Variants in ARHGAP27 observed in about 807,000 individuals in gnomAD.
The protein encoded by ARHGAP27 is rho GTPase-activating protein 27.
A neutral mutation model predicts 102.0 loss-of-function variants in ARHGAP27; 53 were observed. The ratio of observed to expected loss-of-function variants is 0.52; its 90% confidence interval spans 0.42 to 0.65. ARHGAP27 has a LOEUF of 0.65. Ranked by LOEUF, ARHGAP27 falls within the 30% of genes least tolerant of loss-of-function variation. The pLI is 0.00. For synonymous variants in ARHGAP27, 525 were observed against 542.8 expected (o/e 0.97, Z 0.46); for missense variants, 1,117 against 1,256.2 (o/e 0.89, Z 1.68).
intron 13 of ARHGAP27, 29 bp from the exon 14 acceptor site, chr17:45,397,053 G>T (rs760871696): frequency 2.5e-6 from 4 of 1,598,840 alleles, no homozygotes; most frequent in Admixed American, 1.7e-5. Flanking sequence ...AGAGAGGCGG[G>T]GCCTTGAGCC....
chr17:45,426,711 C>T (rs574235333), intron 4 of ARHGAP27, among the ~76,000 whole-genome samples: 16 of 152,136 alleles, frequency 1.1e-4, no homozygotes, highest in African/African-American at 2.2e-4. Context: ...AGCCTGGGGA[C>T]GGTTCCATCC....
chr17:45,411,183 C>G (rs894132456), intron 4 of ARHGAP27, among the ~76,000 whole-genome samples: 1 of 152,086 alleles, frequency 6.6e-6, no homozygotes. Flanking sequence ...CCTTCACCCC[C>G]TCGTGTGGGG....
chr17:45,429,531 T>G, intron 4 of ARHGAP27, 92 bp downstream of exon 4: 1 of 1,544,420 alleles, frequency 6.5e-7, no homozygotes, highest in South Asian at 1.2e-5. Flanking sequence ...TGCCCGACGC[T>G]GAGCGGAGCG....
At chr17:45,404,198 T>C in intron 9 of ARHGAP27, 71 bp downstream of exon 9, 1 of 1,610,450 alleles carries the variant, frequency 6.2e-7, no homozygotes, top group Non-Finnish European at 8.5e-7. Flanking sequence ...CTCTATGGTC[T>C]GGGCCCGTGT....
intron 4 of ARHGAP27, among the ~76,000 whole-genome samples, chr17:45,421,855 G>C (rs2049063013): frequency 1.3e-5 from 2 of 152,198 alleles, no homozygotes; most frequent in Admixed American, 1.3e-4. Context: ...AAGACAAAGA[G>C]TCAGCTTGGG....
intron 4 of ARHGAP27, among the ~76,000 whole-genome samples, chr17:45,419,323 G>A (rs1394753901): frequency 1.3e-5 from 2 of 151,842 alleles, no homozygotes; most frequent in East Asian, 1.9e-4. Context: ...TTTTAAAAAC[G>A]AAGCCATAAA....
chr17:45,397,208 C>T (rs2045858202), intron 13 of ARHGAP27, 184 bp from the exon 14 acceptor site: 3 of 1,432,250 alleles, frequency 2.1e-6, no homozygotes, highest in Non-Finnish European at 2.7e-6. Context: ...GAACATTCAC[C>T]TCCCTTAGCT....
At chr17:45,408,777 T>C (rs556704490) in intron 4 of ARHGAP27, 1 of 152,098 alleles carries the variant, frequency 6.6e-6, no homozygotes, top group East Asian at 1.9e-4. Context: ...CAGGGAGAGG[T>C]CAAACCTGCT....
chr17:45,411,802 C>T (rs2047942291), intron 4 of ARHGAP27, among the ~76,000 whole-genome samples: 1 of 151,920 alleles, frequency 6.6e-6, no homozygotes, highest in African/African-American at 2.4e-5. Flanking sequence ...GACTCACACA[C>T]ACACACACAC....
intron 10 of ARHGAP27, 135 bp downstream of exon 10, chr17:45,403,894 G>A: frequency 9.3e-7 from 1 of 1,080,058 alleles, no homozygotes; most frequent in South Asian, 1.4e-5. Flanking sequence ...TTATCTCACA[G>A]TGTCTCAGGG....
At chr17:45,405,544 C>T in intron 5 of ARHGAP27, 132 bp downstream of exon 5, 2 of 1,279,350 alleles carry the variant, frequency 1.6e-6, no homozygotes, top group Non-Finnish European at 2.1e-6. Context: ...GAGAAGGGGT[C>T]AAAGGCTCTC....
chr17:45,425,614 G>A (rs1011805627), intron 4 of ARHGAP27: 10 of 985,432 alleles, frequency 1.0e-5, no homozygotes, highest in East Asian at 1.1e-4. Flanking sequence ...CCTTCCAGTC[G>A]GGGCTGCCTG....
Position 45,397,963 on chromosome 17 carries a change from C to T in ARHGAP27, c.1828G>A (p.Gly610Ser). The stretch of plus-strand genomic sequence containing the variant: ...GCTCTGCTTACCAGCTCCTGGATGC[C>T]CTGAGCAATGGCCTTATGCCAGGTG... ...ISTWHKAIAQ[G>S]IQELSAELPP... The change falls in exon 13 of 20, where the codon GGC becomes AGC. Residue 610 changes from glycine (G) to serine (S), a missense_variant. Around this residue, in one of 3 missense-constraint regions of ARHGAP27, gnomAD observed 493 missense variants for 505.5 expected, o/e 0.98. Coordinates refer to ENST00000685559, the MANE Select transcript of ARHGAP27 (RefSeq NM_001282290.2). 6.2e-7 allele frequency: 1 copy of T among 1,608,378 alleles called. No homozygotes were observed.
At chr17:45,415,489 C>G (rs1004011620) in intron 4 of ARHGAP27, among the ~76,000 whole-genome samples, 2 of 152,206 alleles carry the variant, frequency 1.3e-5, no homozygotes, top group African/African-American at 4.8e-5. Flanking sequence ...GCTCACATAG[C>G]CCATTGCCAT....
intron 4 of ARHGAP27, among the ~76,000 whole-genome samples, chr17:45,421,718 T>C (rs1267026564): frequency 6.6e-6 from 1 of 151,930 alleles, no homozygotes; most frequent in African/African-American, 2.4e-5. Context: ...AGGAAATCGA[T>C]AACCAGATCA....
intron 9 of ARHGAP27, 74 bp downstream of exon 9, chr17:45,404,195 G>A: frequency 1.2e-6 from 2 of 1,609,736 alleles, no homozygotes; most frequent in Non-Finnish European, 1.7e-6. Context: ...ACTCTCTATG[G>A]TCTGGGCCCG....
At chr17:45,403,773 C>T in intron 10 of ARHGAP27, 64 bp from the exon 11 acceptor site, 2 of 1,392,394 alleles carry the variant, frequency 1.4e-6, no homozygotes, top group South Asian at 1.2e-5. Context: ...GAGGGCCCCT[C>T]CTACCCCAGG....
intron 12 of ARHGAP27, among the ~76,000 whole-genome samples, chr17:45,399,631 A>C (rs1402624712): frequency 1.3e-5 from 2 of 152,122 alleles, no homozygotes; most frequent in African/African-American, 4.8e-5. Flanking sequence ...AAAATGGCAT[A>C]TCTCATCCCC....
chr17:45,419,621 A>C (rs1378603312), intron 4 of ARHGAP27, among the ~76,000 whole-genome samples: 2 of 150,544 alleles, frequency 1.3e-5, no homozygotes, highest in African/African-American at 4.9e-5. Context: ...ATTGGACTAC[A>C]TAAGTATATT....
Sources: gnomAD v4.1 joint callset for allele counts (sites outside exome capture counted in the v4.1 genomes callset) on GRCh38, gnomAD v4.1.1 for gene constraint, gnomAD v4.1.1 regional missense constraint, MANE v1.5 for transcripts, NCBI Gene and HGNC (gene_info 2026-07-23, HGNC 2026-07-21) for gene names.